The following ACTR3C variants were observed in gnomAD, a reference collection of about 807,000 sequenced individuals.
ACTR3C encodes the protein actin related protein 3C.
In ACTR3C, 18 loss-of-function variants were observed where a neutral mutation model predicts 26.3. The ratio of observed to expected loss-of-function variants is 0.68; its 90% CI spans 0.47 to 1.01. The LOEUF is 1.01. ACTR3C is among the 50% of genes least tolerant of loss of function. ACTR3C has a pLI of 0.00. For missense variants in ACTR3C, 184 were observed against 250.7 expected, an observed-to-expected ratio of 0.73 and a Z score of 1.80; for synonymous variants, 55 against 94.5, an observed-to-expected ratio of 0.58 and a Z score of 2.42.
chr7:150,284,785 A>G lies in ACTR3C; in HGVS notation c.532T>C (p.Cys178Arg), dbSNP rs372310678. The G allele has an allele frequency of 3.7e-6, 6 of 1,613,368 alleles. No individual in the cohort carries two copies. The South Asian group carries it at 4.4e-5, about 12-fold the overall frequency. Residue 178 changes from cysteine to arginine, a missense_variant, in exon 6 of 8, where the codon TGC (cysteine) becomes CGC (arginine). Physicochemically the swap from Cys to Arg is radical, Grantham distance 180. Coordinates refer to ENST00000683684, the MANE Select transcript of ACTR3C (RefSeq NM_001164458.2). ...SDVVDEVIQN[C>R]PIDVRRPLYK... is the part of the protein sequence containing the mutation. Reference sequence around the variant, plus strand: ...AGCGGACGCCGCACATCGATGGGGCAGTTCTGTATTACTTCATCAACAACA... The same window carrying G: ...AGCGGACGCCGCACATCGATGGGGCGGTTCTGTATTACTTCATCAACAACA...
the ACTR3C span, among the ~76,000 whole-genome samples, chr7:149,989,609 C>A: frequency 2.6e-5 from 4 of 152,232 alleles, no homozygotes; most frequent in African/African-American, 9.6e-5. Flanking sequence ...TTGACAGACT[C>A]TCCTGCTTTT....
At chr7:150,219,982 C>A in the ACTR3C span, among the ~76,000 whole-genome samples, 1 of 146,778 alleles carries the variant, frequency 6.8e-6, no homozygotes, top group Non-Finnish European at 1.5e-5. Flanking sequence ...GGTAGGATCT[C>A]CAGCCCCAGG....
the ACTR3C span, among the ~76,000 whole-genome samples, chr7:150,147,421 T>C: frequency 6.6e-6 from 1 of 152,172 alleles, no homozygotes; most frequent in Non-Finnish European, 1.5e-5. Context: ...GAAATACTGA[T>C]CAAACTACAT....
the ACTR3C span, among the ~76,000 whole-genome samples, chr7:150,214,336 G>C: frequency 6.6e-6 from 1 of 151,954 alleles, no homozygotes; most frequent in Admixed American, 6.6e-5. Context: ...AAACAGCAAA[G>C]ATACTCATGA....
At chr7:150,003,444 C>T in the ACTR3C span, among the ~76,000 whole-genome samples, 2 of 145,120 alleles carry the variant, frequency 1.4e-5, no homozygotes, top group South Asian at 2.2e-4. Flanking sequence ...GTATGTGGTA[C>T]TGTGGGGTGT....
At chr7:149,985,279 T>C in the ACTR3C span, among the ~76,000 whole-genome samples, 1 of 151,594 alleles carries the variant, frequency 6.6e-6, no homozygotes, top group Non-Finnish European at 1.5e-5. Context: ...TTTTCATTTT[T>C]ATTATCCCAT....
At chr7:150,287,731 G>A (rs1835903549) in intron 4 of ACTR3C, among the ~76,000 whole-genome samples, 4 of 149,238 alleles carry the variant, frequency 2.7e-5, no homozygotes, top group Admixed American at 2.6e-4. Flanking sequence ...ATTTTAAGAA[G>A]ACTGACAGGC....
At chr7:150,297,221 G>A (rs1331674178) in intron 1 of ACTR3C, among the ~76,000 whole-genome samples, 1 of 149,386 alleles carries the variant, frequency 6.7e-6, no homozygotes, top group South Asian at 2.1e-4. Flanking sequence ...TGTCAATCAA[G>A]TATGTTACAA....
chr7:150,192,595 C>A, the ACTR3C span, among the ~76,000 whole-genome samples: 1 of 152,198 alleles, frequency 6.6e-6, no homozygotes, highest in African/African-American at 2.4e-5. Flanking sequence ...AGCCATCATA[C>A]CTGGCCCCTA....
At chr7:150,036,558 A>C in the ACTR3C span, among the ~76,000 whole-genome samples, 3,832 of 111,944 alleles carry the variant, frequency 0.034, 200 homozygotes, top group African/African-American at 0.1. Context: ...CGGGTCCCCG[A>C]CCCCTTTGTG....
the ACTR3C span, among the ~76,000 whole-genome samples, chr7:150,037,733 G>A: frequency 2.2e-5 from 2 of 89,398 alleles, 1 homozygote; most frequent in Non-Finnish European, 4.9e-5. Flanking sequence ...GGGGGAAGAG[G>A]GTCTGGCTCT....
the ACTR3C span, among the ~76,000 whole-genome samples, chr7:149,925,699 T>C: frequency 6.6e-6 from 1 of 152,002 alleles, no homozygotes. Flanking sequence ...TCTTCATACC[T>C]TATCTCAGGA....
chr7:150,084,226 C>G, the ACTR3C span, among the ~76,000 whole-genome samples: 1 of 128,730 alleles, frequency 7.8e-6, no homozygotes, highest in African/African-American at 2.7e-5. Flanking sequence ...ATACCAGTTA[C>G]TTGGCTTCTC....
the ACTR3C span, among the ~76,000 whole-genome samples, chr7:150,097,995 A>G: frequency 6.6e-6 from 1 of 151,398 alleles, no homozygotes; most frequent in Non-Finnish European, 1.5e-5. Flanking sequence ...TGACCTCAGC[A>G]TCCTCAGGAT....
chr7:150,054,889 T>G, the ACTR3C span, among the ~76,000 whole-genome samples: 1 of 152,218 alleles, frequency 6.6e-6, no homozygotes, highest in Non-Finnish European at 1.5e-5. Context: ...CAGATGATCA[T>G]CAGTACTCCT....
At chr7:150,284,929 C>G in intron 5 of ACTR3C, 84 bp from the exon 6 acceptor site, 1 of 1,213,982 alleles carries the variant, frequency 8.2e-7, no homozygotes, top group South Asian at 1.7e-5. Flanking sequence ...GTAACTTTAA[C>G]AAATATACAA....
At chr7:150,008,081 G>T in the ACTR3C span, among the ~76,000 whole-genome samples, 6 of 152,198 alleles carry the variant, frequency 3.9e-5, no homozygotes, top group Admixed American at 3.9e-4. Context: ...AATTCCTGGA[G>T]ACTCGCATTC....
At chr7:150,117,536 C>A in the ACTR3C span, among the ~76,000 whole-genome samples, 1 of 152,270 alleles carries the variant, frequency 6.6e-6, no homozygotes, top group East Asian at 1.9e-4. Flanking sequence ...TCTCTAGATT[C>A]CTTCTCTCTG....
chr7:150,018,361 A>G, the ACTR3C span, among the ~76,000 whole-genome samples: 1 of 147,350 alleles, frequency 6.8e-6, no homozygotes, highest in Non-Finnish European at 1.5e-5. Context: ...TTTTTTTTGG[A>G]AAAGAATGTA....
Sources: allele counts gnomAD v4.1 joint callset (sites outside exome capture counted in the v4.1 genomes callset), GRCh38; gene constraint gnomAD v4.1.1; transcripts MANE v1.5; gene names NCBI Gene and HGNC (gene_info 2026-07-23, HGNC 2026-07-21).